The following NAV2 variants were observed in gnomAD, a reference collection of about 807,000 sequenced individuals.
NAV2 encodes the protein neuron navigator 2.
A neutral mutation model predicts 223.2 loss-of-function variants in NAV2; 54 were observed. The observed-to-expected ratio is 0.24, with a 90% CI of 0.19 to 0.30. The LOEUF is 0.30. NAV2 is among the 10% of genes least tolerant of loss of function. The pLI, the probability that NAV2 is intolerant of heterozygous loss-of-function variation, is 1.00. For missense variants in NAV2, 2,806 were observed against 3,147.5 expected, an observed-to-expected ratio of 0.89 and a Z score of 2.60; for synonymous variants, 1,279 against 1,239.3, an observed-to-expected ratio of 1.03 and a Z score of -0.67.
intron 10 of NAV2, among the ~76,000 whole-genome samples, chr11:19,974,862 TA>T (rs34134086): frequency 5.9e-5 from 9 of 152,224 alleles, no homozygotes; most frequent in African/African-American, 1.9e-4. Flanking sequence ...AATAATCTCT[TA>T]AAAAGTAAAG....
At chr11:19,689,067 G>A (rs996527899) in intron 1 of NAV2, among the ~76,000 whole-genome samples, 2 of 152,164 alleles carry the variant, frequency 1.3e-5, no homozygotes, top group Non-Finnish European at 2.9e-5. Context: ...AGCTCCTGGA[G>A]GCATTGGGAA....
chr11:19,901,019 C>A (rs1207247450), intron 6 of NAV2, among the ~76,000 whole-genome samples: 2 of 152,134 alleles, frequency 1.3e-5, no homozygotes, highest in Non-Finnish European at 2.9e-5. Context: ...TCATTTTTTG[C>A]ATAATCCAAT....
At chr11:19,455,095 A>T (rs1460602717) in intron 1 of NAV2, among the ~76,000 whole-genome samples, 1 of 152,230 alleles carries the variant, frequency 6.6e-6, no homozygotes, top group African/African-American at 2.4e-5. Context: ...GAACCACTGG[A>T]CTTAAGCAAG....
At chr11:19,651,646 C>A (rs990354784) in intron 1 of NAV2, among the ~76,000 whole-genome samples, 1 of 152,216 alleles carries the variant, frequency 6.6e-6, no homozygotes, top group Non-Finnish European at 1.5e-5. Context: ...TTTGAAATTT[C>A]ATTGTGAGAA....
rs57566081 is a variant in NAV2 at position 19,397,418 on chromosome 11, T to TGTGTGTGTGTGTGTGCGC, written c.75+46392_75+46393insTGTGTGTGTGTGTGCGCG. Among the ~76,000 whole-genome samples, 188 of 145,344 alleles carry TGTGTGTGTGTGTGTGCGC rather than the reference T, an allele frequency of 1.3e-3. 1 individual carries two copies. Among genetic ancestry groups the TGTGTGTGTGTGTGTGCGC allele is most frequent in the East Asian group, 8.1e-3 (38 of 4,678 alleles). On this transcript the variant is annotated intron_variant, in intron 1 of 37. Coordinates refer to the NAV2 transcript ENST00000360655. The stretch of plus-strand genomic sequence containing the variant: ...GGGAGTGTGTGTGTGTGTGTGTGTG[T>TGTGTGTGTGTGTGTGCGC]GCGCGCATGTGTGTGTAGGGAATAC...
chr11:19,586,930 C>T (rs1192522110), intron 1 of NAV2, among the ~76,000 whole-genome samples: 2 of 152,228 alleles, frequency 1.3e-5, no homozygotes, highest in African/African-American at 4.8e-5. Context: ...TTTAAGTCTG[C>T]AGAGGTTTCT....
intron 1 of NAV2, among the ~76,000 whole-genome samples, chr11:19,614,100 G>A (rs1276557299): frequency 1.3e-5 from 2 of 152,164 alleles, no homozygotes; most frequent in African/African-American, 4.8e-5. Context: ...GAGGGTTGTG[G>A]TCTTACCCTT....
chr11:19,523,207 G>T (rs192350823), intron 1 of NAV2, among the ~76,000 whole-genome samples: 1 of 152,250 alleles, frequency 6.6e-6, no homozygotes, highest in East Asian at 1.9e-4. Flanking sequence ...TCCTCCACAC[G>T]AACTCCCTTC....
rs567433479 is a variant in NAV2, at chr11:19,468,965, C to T, written c.75+117938C>T. On this transcript the variant is annotated intron_variant, in intron 1 of 37. Coordinates refer to the NAV2 transcript ENST00000360655. ...CTGTGGAGCTGTAAAATTGAGATAA[C>T]CAAACTTAACTCATAGGATTATCAT... Among the ~76,000 whole-genome samples, 193 of 152,190 alleles carry T rather than the reference C, an allele frequency of 1.3e-3. 1 individual carries two copies. The highest frequency in any genetic ancestry group is 5.4e-3 in the South Asian group (26 of 4,810).
upstream of NAV2, among the ~76,000 whole-genome samples, chr11:19,346,211 T>C (rs1289603089): frequency 6.6e-6 from 1 of 152,182 alleles, no homozygotes; most frequent in Admixed American, 6.5e-5. Flanking sequence ...TCTGTGTATA[T>C]GGATGTGCGT....
intron 1 of NAV2, among the ~76,000 whole-genome samples, chr11:19,493,843 A>T (rs1011311354): frequency 6.6e-6 from 1 of 152,238 alleles, no homozygotes; most frequent in African/African-American, 2.4e-5. Context: ...TCAATTCTCT[A>T]TTTGCAGTAA....
intron 31 of NAV2, among the ~76,000 whole-genome samples, chr11:20,099,050 T>C (rs1022247018): frequency 6.6e-6 from 1 of 152,216 alleles, no homozygotes; most frequent in African/African-American, 2.4e-5. Context: ...TGGCCCACTA[T>C]AGGTCAAATG....
At chr11:19,668,445 A>G (rs1405367684) in intron 1 of NAV2, among the ~76,000 whole-genome samples, 2 of 142,026 alleles carry the variant, frequency 1.4e-5, no homozygotes, top group East Asian at 4.4e-4. Context: ...AGGCACGAGA[A>G]TCTCTTGAAC....
At chr11:19,415,990 A>G (rs940566394) in intron 1 of NAV2, among the ~76,000 whole-genome samples, 2 of 152,216 alleles carry the variant, frequency 1.3e-5, no homozygotes, top group African/African-American at 4.8e-5. Flanking sequence ...CCAACATCAT[A>G]CTAAATGGGC....
intron 1 of NAV2, among the ~76,000 whole-genome samples, chr11:19,397,418 T>TGTGTGTGTGTGTGTGTGTGTGTGTGC (rs57566081): frequency 4.4e-4 from 64 of 145,342 alleles, no homozygotes; most frequent in South Asian, 6.8e-4. Context: ...TGTGTGTGTG[T>TGTGTGTGTGTGTGTGTGTGTGTGTGC]GCGCGCATGT....
chr11:19,513,066 G>A (rs935890707), intron 1 of NAV2, among the ~76,000 whole-genome samples: 2 of 152,208 alleles, frequency 1.3e-5, no homozygotes, highest in Admixed American at 6.5e-5. Context: ...CTAGAAGCTT[G>A]TGATTTCTGC....
In NAV2 at chr11:20,101,041, C is replaced by G. The variant is rs557499440; in HGVS notation, c.6286C>G (p.Leu2096Val). ...SLLIEHRRII[L>V]SGPSGTGKTY... is the part of the protein sequence containing the mutation. Reference sequence around the variant, plus strand: ...CCTGATAGAGCACCGTCGGATCATTCTCTCTGGCCCCAGCGGCACTGGGAA... The same window carrying G: ...CCTGATAGAGCACCGTCGGATCATTGTCTCTGGCCCCAGCGGCACTGGGAA... Residue 2096 changes from leucine (L) to valine (V), a missense_variant, in exon 32 of 38, where the codon CTC (leucine) becomes GTC (valine). By Grantham distance (32) the Leu-to-Val change is conservative. Around this residue, in one of 4 missense-constraint regions of NAV2, gnomAD observed 824 missense variants for 1,069.4 expected, o/e 0.77. Transcript: ENST00000349880. 1.9e-6 allele frequency: 3 copies of G among 1,614,092 alleles called. No homozygotes were observed. Among genetic ancestry groups the G allele is most frequent in the East Asian group, 4.5e-5 (2 of 44,892 alleles).
Position 19,790,700 on chromosome 11 carries a change from G to A in NAV2, c.268-41784G>A, listed in dbSNP as rs532764566. The stretch of plus-strand genomic sequence containing the variant: ...ATGTGTATGAGGCACCTACCTGCCT[G>A]TATAGTAGGCTCTGAGTAAATGGTC... On this transcript the variant is annotated intron_variant, in intron 1 of 37. Transcript: ENST00000349880. 7.2e-5 allele frequency among the ~76,000 whole-genome samples: 11 copies of A among 152,316 alleles called. No homozygotes were observed. In the South Asian group the frequency reaches 2.1e-3, roughly 29 times the overall value.
rs1187739603 is a variant in NAV2 at position 19,880,062 on chromosome 11, C to T, written c.705C>T (p.Ala235=). ...AGCAGGTGCCAGTCACTCCCCAAGC[C>T]CCGTGCCAGCCTCACCAGCCAGCGC... ...PQQQVPVTPQ[A]PCQPHQPAPH... is the part of the protein sequence containing the mutation. The change falls in exon 5 of 38, where the codon GCC becomes GCT. Residue 235 remains alanine, a synonymous_variant. Coordinates refer to ENST00000349880, the MANE Select transcript of NAV2 (RefSeq NM_145117.5). 6 of 1,612,826 alleles carry T rather than the reference C, an allele frequency of 3.7e-6. No homozygotes were observed. Among genetic ancestry groups the T allele is most frequent in the South Asian group, 3.3e-5 (3 of 90,972 alleles).
Sources: allele counts gnomAD v4.1 joint callset (sites outside exome capture counted in the v4.1 genomes callset), GRCh38; gene constraint gnomAD v4.1.1; regional missense constraint gnomAD v4.1.1; transcripts MANE v1.5; gene names NCBI Gene and HGNC (gene_info 2026-07-23, HGNC 2026-07-21).